The following PNKD variants were observed in gnomAD, a reference collection of about 807,000 sequenced individuals.
PNKD encodes the protein PNKD metallo-beta-lactamase domain containing.
Under a neutral mutation model 45.3 loss-of-function variants are expected in PNKD, and 36 were observed. The observed-to-expected ratio is 0.80, with a 90% confidence interval of 0.61 to 1.05. The LOEUF (loss-of-function observed/expected upper bound fraction) is 1.05. Among genes scored for constraint, PNKD ranks in the 50% least tolerant of loss-of-function variants. The pLI, the probability that PNKD is intolerant of heterozygous loss-of-function variation, is 0.00. For synonymous variants in PNKD, 197 were observed against 210.1 expected, an observed-to-expected ratio of 0.94 and a Z score of 0.54; for missense variants, 511 against 506.6, an observed-to-expected ratio of 1.01 and a Z score of -0.08.
Position 218,340,052 on chromosome 2 carries a change from G to C in PNKD, c.376G>C (p.Val126Leu). 1 of 1,613,412 alleles carries C rather than the reference G, an allele frequency of 6.2e-7. No homozygotes were observed. Among genetic ancestry groups the C allele is most frequent in the Non-Finnish European group, 8.5e-7 (1 of 1,179,426 alleles). ...AGGAGTGAAGGTGCTTCCCATCCCT[G>C]TCCTCTCGGACAACTACAGCTACCT... Reference protein sequence around the residue: ...FNGVKVLPIPVLSDNYSYLII... With the variant: ...FNGVKVLPIPLLSDNYSYLII... Residue 126 changes from valine (V) to leucine (L), a missense_variant, in exon 4 of 10, where the codon GTC becomes CTC. Transcript: ENST00000273077. This position sits in a 1 kb window ranked among gnomAD's most constrained non-coding sequence, Gnocchi z 4.2.
intron 2 of PNKD, among the ~76,000 whole-genome samples, chr2:218,310,090 T>A (rs1480916287): frequency 6.6e-6 from 1 of 152,110 alleles, no homozygotes; most frequent in Non-Finnish European, 1.5e-5. Flanking sequence ...TGGCATTTCC[T>A]CCTAAACAAA....
At chr2:218,271,341 C>G in intron 1 of PNKD, 40 bp from the exon 2 acceptor site, 1 of 1,597,420 alleles carries the variant, frequency 6.3e-7, no homozygotes, top group South Asian at 1.1e-5. Flanking sequence ...TTGCTTTCTT[C>G]TCATCTCTTC....
At chr2:218,297,684 CAAAAAAAAAA>C (rs71064428) in intron 2 of PNKD, among the ~76,000 whole-genome samples, 3 of 41,986 alleles carry the variant, frequency 7.1e-5, no homozygotes, top group Non-Finnish European at 3.9e-5. Context: ...GACTCCGTCT[CAAAAAAAAAA>C]AAAAAAAAAA....
intron 2 of PNKD, among the ~76,000 whole-genome samples, chr2:218,309,876 G>A (rs1420739363): frequency 2.6e-5 from 4 of 151,592 alleles, no homozygotes; most frequent in Admixed American, 6.6e-5. Context: ...CGGAGGCTGC[G>A]GTGAGCCGAG....
chr2:218,306,872 A>G (rs188334142), intron 2 of PNKD, among the ~76,000 whole-genome samples: 1 of 152,250 alleles, frequency 6.6e-6, no homozygotes, highest in African/African-American at 2.4e-5. Context: ...TGGTCATCTG[A>G]CAAACACAGA....
intron 2 of PNKD, chr2:218,278,427 G>T: frequency 1.5e-6 from 2 of 1,322,016 alleles, no homozygotes; most frequent in Non-Finnish European, 2.2e-6. Context: ...CCATTCAGCT[G>T]CTATAAAGGA....
At chr2:218,303,851 G>A (rs1693337977) in intron 2 of PNKD, among the ~76,000 whole-genome samples, 2 of 151,972 alleles carry the variant, frequency 1.3e-5, no homozygotes, top group Admixed American at 1.3e-4. Flanking sequence ...TGGGATTACA[G>A]GTGTGAGCCA....
chr2:218,278,696 G>C (rs1691523676), intron 2 of PNKD: 2 of 981,544 alleles, frequency 2.0e-6, no homozygotes, highest in African/African-American at 1.6e-5. Flanking sequence ...CAGGAAGCAA[G>C]AACGAGATTA....
At chr2:218,321,934 C>CTTTTT (rs35226712) in intron 2 of PNKD, among the ~76,000 whole-genome samples, 1 of 120,510 alleles carries the variant, frequency 8.3e-6, no homozygotes, top group Non-Finnish European at 1.7e-5. Flanking sequence ...GAGCTTGACT[C>CTTTTT]TTTTTTTTTT....
At chr2:218,312,150 A>G (rs1174297775) in intron 2 of PNKD, among the ~76,000 whole-genome samples, 1 of 152,216 alleles carries the variant, frequency 6.6e-6, no homozygotes. Context: ...TTTTCTTAGT[A>G]CAGATCAAAA....
intron 9 of PNKD, 41 bp downstream of exon 9, chr2:218,344,611 A>G: frequency 1.3e-6 from 2 of 1,535,258 alleles, no homozygotes; most frequent in Non-Finnish European, 1.8e-6. Context: ...GTGGGCAGGC[A>G]CTCAGCCCCA....
chr2:218,303,866 G>A (rs945919413), intron 2 of PNKD, among the ~76,000 whole-genome samples: 6 of 151,504 alleles, frequency 4.0e-5, no homozygotes, highest in Non-Finnish European at 5.9e-5. Context: ...GAGCCACCAC[G>A]CCCGGCCAGA....
intron 2 of PNKD, 22 bp from the exon 3 acceptor site, chr2:218,339,761 A>T (rs377648850): frequency 2.8e-4 from 414 of 1,492,914 alleles, no homozygotes; most frequent in Non-Finnish European, 3.6e-4. Context: ...GGCTAATCAT[A>T]GGCCACCCAC....
At chr2:218,278,570 G>A in intron 2 of PNKD, 1 of 1,614,148 alleles carries the variant, frequency 6.2e-7, no homozygotes, top group South Asian at 1.1e-5. Context: ...ACAGCACTAG[G>A]GACAAAGAGA....
chr2:218,320,339 A>G (rs371325988), intron 2 of PNKD, among the ~76,000 whole-genome samples: 1 of 152,258 alleles, frequency 6.6e-6, no homozygotes, highest in Non-Finnish European at 1.5e-5. Context: ...GGTAATTAGC[A>G]TATCCATCAC....
intron 2 of PNKD, among the ~76,000 whole-genome samples, chr2:218,290,913 T>G (rs997822400): frequency 1.6e-4 from 25 of 152,240 alleles, no homozygotes; most frequent in Non-Finnish European, 2.8e-4. Context: ...GCAGAACTTC[T>G]TCCCAGAGAA....
intron 6 of PNKD, 136 bp from the exon 7 acceptor site, chr2:218,341,845 G>T: frequency 1.2e-6 from 1 of 814,406 alleles, no homozygotes; most frequent in Non-Finnish European, 2.1e-6. Context: ...CCTGAGACCC[G>T]AGGCACTGGG....
At chr2:218,311,935 C>T (rs1220512823) in intron 2 of PNKD, among the ~76,000 whole-genome samples, 2 of 152,208 alleles carry the variant, frequency 1.3e-5, no homozygotes, top group Non-Finnish European at 2.9e-5. Flanking sequence ...TGCGGCTTTC[C>T]GCAGTGCATT....
At chr2:218,282,168 C>A (rs761945183) in intron 2 of PNKD, 17 of 1,444,598 alleles carry the variant, frequency 1.2e-5, no homozygotes, top group Non-Finnish European at 1.5e-5. Context: ...AGGGGGAACC[C>A]CAGCTGCTGG....
Sources: allele counts gnomAD v4.1 joint callset (sites outside exome capture counted in the v4.1 genomes callset), GRCh38; gene constraint gnomAD v4.1.1; non-coding constraint Gnocchi (gnomAD v3.1); transcripts MANE v1.5; gene names NCBI Gene and HGNC (gene_info 2026-07-23, HGNC 2026-07-21).